MOG: variants seen among roughly 807,000 people sequenced by gnomAD.
MOG encodes the protein myelin-oligodendrocyte glycoprotein.
MOG carries 20 observed loss-of-function variants against 35.9 expected under a neutral mutation model. That is an observed-to-expected ratio of 0.56 (90% CI 0.39 to 0.81). The LOEUF is 0.81. Among genes scored for constraint, MOG ranks in the 30% least tolerant of loss-of-function variants. The pLI, the probability that MOG is intolerant of heterozygous loss-of-function variation, is 0.00. For synonymous variants in MOG, 92 were observed against 114.3 expected (o/e 0.80, Z 1.25); for missense variants, 251 against 301.0 (o/e 0.83, Z 1.23).
At chr6:29,661,924 C>G in intron 2 of MOG, 3 of 985,306 alleles carry the variant, frequency 3.0e-6, no homozygotes, top group Non-Finnish European at 3.6e-6. Flanking sequence ...TTCCAACCTC[C>G]TGTTCCCACC....
rs1397717266 is a variant in MOG, at chr6:29,670,473, G to C, written c.709+76G>C. 1.3e-6 allele frequency: 2 copies of C among 1,536,144 alleles called. No homozygotes were observed. The highest frequency in any genetic ancestry group is 2.2e-5 in the South Asian group (2 of 89,498). On this transcript the variant is annotated intron_variant, in intron 6 of 7. Transcript: ENST00000376917. This position sits in a 1 kb window ranked among gnomAD's most constrained non-coding sequence, Gnocchi z 4.2. ...CAGCTCTGAATGGGAAGCCAAAAGA[G>C]AATAGAACCAGGACTCAAGATTAGG...
rs1220105225 is a variant in MOG, at chr6:29,662,249, C to T, written c.436+2583C>T. The T allele has an allele frequency of 2.2e-6, 2 of 889,278 alleles. No homozygotes were observed. Among genetic ancestry groups the T allele is most frequent in the African/African-American group, 3.6e-5 (2 of 55,022 alleles). The allele number at this position is 889,278 out of a possible 1,614,324, so 55.1% of individuals were successfully genotyped here. On this transcript the variant is annotated intron_variant, in intron 2 of 7. Transcript: ENST00000376917. The surrounding 1 kb of genome is among the most constrained non-coding windows in gnomAD (Gnocchi z 4.2). ...CTGTAATCCCAGCACTTTGGGAGGC[C>T]GAAGCGGGCAGATCACCCGAGGTCA...
rs1370018805 is a variant in MOG at position 29,670,196 on chromosome 6, C to G, written c.593-85C>G. 1 of 1,613,852 alleles carries G rather than the reference C, an allele frequency of 6.2e-7. No homozygotes were observed. Among genetic ancestry groups the G allele is most frequent in the Non-Finnish European group, 8.5e-7 (1 of 1,179,934 alleles). ...CAGAGTCCTTTGGTGTTCTAGGACC[C>G]CAGGTTAAGGAACCAAAAAAGACAG... is the stretch of plus-strand genomic sequence containing the variant. On this transcript the variant is annotated intron_variant, in intron 5 of 7. Transcript: ENST00000376917. The surrounding 1 kb of genome is among the most constrained non-coding windows in gnomAD (Gnocchi z 4.2).
chr6:29,661,826 A>G (rs1414797066), intron 2 of MOG: 2 of 984,504 alleles, frequency 2.0e-6, no homozygotes, highest in East Asian at 1.1e-4. Context: ...CAAAAAAAAA[A>G]AAAAAAAAAA....
Position 29,666,226 on chromosome 6 carries a change from G to C in MOG, c.511G>C (p.Val171Leu), listed in dbSNP as rs2857766. ...GCCTGTGCTCCTCCTGCAGATCACT[G>C]TTGGCCTCATCTTCCTCTGCCTGCA... ...VLPVLLLQIT[V>L]GLIFLCLQYR... The change falls in exon 3 of 8, where the codon GTT becomes CTT. Residue 171 changes from valine (V) to leucine (L), a missense_variant. By Grantham distance (32) the Val-to-Leu change is conservative (BLOSUM62 1). Transcript: ENST00000376917. 349,994 of 1,610,262 alleles carry C rather than the reference G, an allele frequency of 0.22. 40,265 individuals are homozygous for C. Among genetic ancestry groups the C allele is most frequent in the East Asian group, 0.27 (11,938 of 44,846 alleles).
At chr6:29,665,588 AGGTTC>A (rs1770034497) in intron 2 of MOG, among the ~76,000 whole-genome samples, 1 of 152,050 alleles carries the variant, frequency 6.6e-6, no homozygotes, top group Non-Finnish European at 1.5e-5. Flanking sequence ...GTCCTAGTTC[AGGTTC>A]ATGTTGTTTT....
chr6:29,660,365 C>CA (rs41283830), intron 2 of MOG, among the ~76,000 whole-genome samples: 5,065 of 114,546 alleles, frequency 0.044, 168 homozygotes, highest in South Asian at 0.14. Flanking sequence ...ACTAAAAATA[C>CA]AAAAAAAAAA....
intron 2 of MOG, among the ~76,000 whole-genome samples, chr6:29,665,485 T>A (rs1770012365): frequency 6.6e-6 from 1 of 152,024 alleles, no homozygotes; most frequent in Non-Finnish European, 1.5e-5. Flanking sequence ...AAATAAACAC[T>A]AAATTTCAGT....
intron 2 of MOG, among the ~76,000 whole-genome samples, chr6:29,664,321 C>A (rs1019469991): frequency 6.6e-6 from 1 of 151,930 alleles, no homozygotes; most frequent in African/African-American, 2.4e-5. Context: ...AATTCTCCTC[C>A]CTCAGCCTTC....
At position 29,662,858 on chromosome 6, in the gene MOG, T is replaced by G. The variant is rs940888026; in HGVS notation, c.436+3192T>G. On this transcript the variant is annotated intron_variant, in intron 2 of 7. Coordinates refer to ENST00000376917, the MANE Select transcript of MOG (RefSeq NM_206809.4). This position sits in a 1 kb window ranked among gnomAD's most constrained non-coding sequence, Gnocchi z 4.2. Reference sequence around the variant, plus strand: ...TTGTATTTTTTGTAGAGACTGGGTTTTACCATGTTGATCAGGCTGGTCTCA... The same window carrying G: ...TTGTATTTTTTGTAGAGACTGGGTTGTACCATGTTGATCAGGCTGGTCTCA... Among the ~76,000 whole-genome samples, 2 of 151,486 alleles carry G rather than the reference T, an allele frequency of 1.3e-5. No homozygotes were observed. Among genetic ancestry groups the G allele is most frequent in the Non-Finnish European group, 2.9e-5 (2 of 67,876 alleles).
chr6:29,659,420 A>T lies in MOG; in HGVS notation c.190A>T (p.Met64Leu). 1 of 1,613,062 alleles carries T rather than the reference A, an allele frequency of 6.2e-7. No homozygotes were observed. The highest frequency in any genetic ancestry group is 1.6e-4 in the Middle Eastern group (1 of 6,062). Residue 64 changes from methionine to leucine, a missense_variant, in exon 2 of 8, where the codon ATG (methionine) becomes TTG (leucine). Coordinates refer to ENST00000376917, the MANE Select transcript of MOG (RefSeq NM_206809.4). ...RISPGKNATG[M>L]EVGWYRPPFS... ...ATCTCCTGGGAAGAACGCTACAGGC[A>T]TGGAGGTGGGGTGGTACCGCCCCCC...
rs1771467620 is a variant in MOG at position 29,671,597 on chromosome 6, G to T, written c.*412G>T. On this transcript the variant is annotated 3_prime_UTR_variant, in exon 8 of 8. Transcript: ENST00000376917. Reference sequence around the variant, plus strand: ...TGCAAATGGTGGTTGTTTCTTCCAAGACTCCAGCCCTGATTGCGCAAAACT... The same window carrying T: ...TGCAAATGGTGGTTGTTTCTTCCAATACTCCAGCCCTGATTGCGCAAAACT... 1 of 724,610 alleles carries T rather than the reference G, an allele frequency of 1.4e-6. No individual in the cohort carries two copies. The highest frequency in any genetic ancestry group is 1.7e-5 in the African/African-American group (1 of 57,920). The allele number at this position is 724,610 out of a possible 1,614,324, so 44.9% of individuals were successfully genotyped here. A position where few individuals can be genotyped will look rare whatever the true frequency, so the allele number is the denominator to read the frequency against.
chr6:29,660,939 C>CCTCA lies in MOG; in HGVS notation c.436+1274_436+1277dup, dbSNP rs775190059. ...GTCAAGGTTGGTCTCAAACTCCTGA[C>CCTCA]CTCAGGTGATCCACTCGCCTCAGCC... On this transcript the variant is annotated intron_variant, in intron 2 of 7. Coordinates refer to ENST00000376917, the MANE Select transcript of MOG (RefSeq NM_206809.4). Among the ~76,000 whole-genome samples the CCTCA allele has an allele frequency of 5.3e-5, 8 of 152,098 alleles. No individual in the cohort carries two copies. The East Asian group carries it at 1.4e-3, about 26-fold the overall frequency.
intron 1 of MOG, among the ~76,000 whole-genome samples, chr6:29,658,799 T>C (rs1043456825): frequency 1.3e-5 from 2 of 152,114 alleles, no homozygotes; most frequent in African/African-American, 4.8e-5. Context: ...CAGAGTCTTT[T>C]TTGTCGTTGT....
chr6:29,668,508 A>C (rs898754321), intron 5 of MOG, among the ~76,000 whole-genome samples: 6 of 152,240 alleles, frequency 3.9e-5, no homozygotes, highest in African/African-American at 1.2e-4. Context: ...TTTGTTAGAT[A>C]AATGTTGCAG....
At position 29,659,369 on chromosome 6, in the gene MOG, G is replaced by A. The variant is rs1365254099; in HGVS notation, c.139G>A (p.Asp47Asn). ...PRHPIRALVGDEVELPCRISP... is the reference protein window; with the variant it reads ...PRHPIRALVGNEVELPCRISP... ...ACACCCTATCCGGGCTCTGGTCGGG[G>A]ATGAAGTGGAATTGCCATGTCGCAT... The change falls in exon 2 of 8, where the codon GAT becomes AAT. Residue 47 changes from aspartate (D) to asparagine (N), a missense_variant. Physicochemically the swap from Asp to Asn is conservative, Grantham distance 23 (BLOSUM62 1). Transcript: ENST00000376917. The A allele has an allele frequency of 5.0e-6, 8 of 1,613,008 alleles. No individual in the cohort carries two copies. The highest frequency in any genetic ancestry group is 6.8e-6 in the Non-Finnish European group (8 of 1,179,996).
chr6:29,660,586 AC>A (rs1419398113), intron 2 of MOG, among the ~76,000 whole-genome samples: 1 of 147,966 alleles, frequency 6.8e-6, no homozygotes, highest in African/African-American at 2.5e-5. Flanking sequence ...ACACACACAC[AC>A]ACCTGTGCTT....
chr6:29,659,464 T>C lies in MOG; in HGVS notation c.234T>C (p.His78=). The C allele has an allele frequency of 6.2e-7, 1 of 1,612,964 alleles. No individual in the cohort carries two copies. The highest frequency in any genetic ancestry group is 8.5e-7 in the Non-Finnish European group (1 of 1,180,024). The change falls in exon 2 of 8, where the codon CAT becomes CAC. Residue 78 remains histidine (H), a synonymous_variant. Coordinates refer to ENST00000376917, the MANE Select transcript of MOG (RefSeq NM_206809.4). The part of the protein sequence containing the change: ...WYRPPFSRVV[H]LYRNGKDQDG... ...GCCCCCCCTTCTCTAGGGTGGTTCA[T>C]CTCTACAGAAATGGCAAGGACCAAG...
chr6:29,665,730 C>CAGTGGTAATGGTATAGGAAGTCAGGGG (rs1562196607), intron 2 of MOG, among the ~76,000 whole-genome samples: 1 of 131,696 alleles, frequency 7.6e-6, no homozygotes, highest in African/African-American at 3.5e-5. Context: ...CCTTGAACTA[C>CAGTGGTAATGGTATAGGAAGTCAGGGG]ATATTTGAAA....
Sources: gnomAD v4.1 joint callset for allele counts (sites outside exome capture counted in the v4.1 genomes callset) on GRCh38, gnomAD v4.1.1 for gene constraint, Gnocchi (gnomAD v3.1) non-coding constraint, MANE v1.5 for transcripts, NCBI Gene and HGNC (gene_info 2026-07-23, HGNC 2026-07-21) for gene names.